MGA: variants seen among roughly 807,000 people sequenced by gnomAD.
MGA encodes the protein MAX dimerization protein MGA, also known as MAX gene-associated protein.
A neutral mutation model predicts 261.1 loss-of-function variants in MGA; 40 were observed. The ratio of observed to expected loss-of-function variants is 0.15; its 90% CI spans 0.12 to 0.20. The LOEUF (loss-of-function observed/expected upper bound fraction) is 0.20. MGA is among the 10% of genes least tolerant of loss of function. The pLI is 1.00. For missense variants in MGA, 3,397 were observed against 3,630.5 expected, an observed-to-expected ratio of 0.94 and a Z score of 1.65; for synonymous variants, 1,302 against 1,290.6, an observed-to-expected ratio of 1.01 and a Z score of -0.19.
intron 2 of MGA, among the ~76,000 whole-genome samples, chr15:41,686,022 ATAAT>A (rs2058943692): frequency 6.8e-6 from 1 of 146,310 alleles, no homozygotes; most frequent in Non-Finnish European, 1.5e-5. Flanking sequence ...AAAAAAAATA[ATAAT>A]AATAATTTCC....
At chr15:41,755,881 T>C (rs552091745) in intron 18 of MGA, among the ~76,000 whole-genome samples, 2 of 152,234 alleles carry the variant, frequency 1.3e-5, no homozygotes, top group Non-Finnish European at 2.9e-5. Context: ...TAGCCGGGCT[T>C]GTTGGCACAC....
intron 1 of MGA, among the ~76,000 whole-genome samples, chr15:41,625,846 A>G (rs1391609022): frequency 6.6e-6 from 1 of 152,242 alleles, no homozygotes; most frequent in Non-Finnish European, 1.5e-5. Flanking sequence ...AGCAGATTAC[A>G]AAATTATGTG....
At position 41,762,215 on chromosome 15, in the gene MGA, A is replaced by G. The variant is rs2063498245; in HGVS notation, c.7597A>G (p.Met2533Val). Residue 2533 changes from methionine (M) to valine (V), a missense_variant, in exon 22 of 24, where the codon ATG (methionine) becomes GTG (valine). Physicochemically the swap from Met to Val is conservative, Grantham distance 21. Transcript: ENST00000219905. ...AGAGGCACAAAAAAGAAAAAAGAAG[A>G]TGGGATCAGATGAGTTTGACATATC... 8.1e-6 allele frequency: 13 copies of G among 1,613,850 alleles called. No individual in the cohort carries two copies. Among genetic ancestry groups the G allele is most frequent in the African/African-American group, 1.3e-5 (1 of 74,912 alleles).
At chr15:41,741,224 G>T (rs1470861036) in intron 14 of MGA, among the ~76,000 whole-genome samples, 2 of 151,682 alleles carry the variant, frequency 1.3e-5, no homozygotes, top group African/African-American at 4.8e-5. Flanking sequence ...GCATGCGCCT[G>T]TAGTCCCAGC....
At chr15:41,701,388 G>C (rs1164880814) in intron 5 of MGA, among the ~76,000 whole-genome samples, 2 of 152,078 alleles carry the variant, frequency 1.3e-5, no homozygotes, top group Non-Finnish European at 2.9e-5. Flanking sequence ...TTTTGCTCTG[G>C]TTTATTTGCC....
At chr15:41,653,578 G>T (rs542820942) in intron 1 of MGA, among the ~76,000 whole-genome samples, 1 of 151,188 alleles carries the variant, frequency 6.6e-6, no homozygotes. Flanking sequence ...TTGTGGTGGC[G>T]TGGCCTATAA....
intron 1 of MGA, among the ~76,000 whole-genome samples, chr15:41,652,053 C>T (rs2057073728): frequency 7.5e-6 from 1 of 132,468 alleles, no homozygotes; most frequent in Admixed American, 8.1e-5. Flanking sequence ...GCAAGCTCCT[C>T]CTCTTGGGTT....
chr15:41,672,139 G>A (rs568698164), intron 2 of MGA, among the ~76,000 whole-genome samples: 1 of 152,282 alleles, frequency 6.6e-6, no homozygotes, highest in African/African-American at 2.4e-5. Context: ...AGTTTGTTAG[G>A]TGAAAGGGTC....
chr15:41,715,137 C>CTTTTTT (rs766195852), intron 9 of MGA, among the ~76,000 whole-genome samples: 6 of 124,556 alleles, frequency 4.8e-5, no homozygotes, highest in Non-Finnish European at 9.9e-5. Flanking sequence ...TGGTTTCTGT[C>CTTTTTT]TTTTTTTTTT....
chr15:41,663,827 A>G (rs2057565171), intron 1 of MGA, among the ~76,000 whole-genome samples: 1 of 152,100 alleles, frequency 6.6e-6, no homozygotes, highest in Admixed American at 6.6e-5. Context: ...AGTAGACTTT[A>G]GAGTGGTCTT....
Position 41,754,504 on chromosome 15 carries a change from C to T in MGA, c.7076C>T (p.Ser2359Leu). Residue 2359 changes from serine (S) to leucine (L), a missense_variant, in exon 18 of 24, where the codon TCA becomes TTA. Transcript: ENST00000219905. The stretch of plus-strand genomic sequence containing the variant: ...GACATTGAGACTGTAGAAGAGCTCT[C>T]AGAGGAAATTAATGTTGCTCACCTG... 1 of 1,577,908 alleles carries T rather than the reference C, an allele frequency of 6.3e-7. No homozygotes were observed. Among genetic ancestry groups the T allele is most frequent in the Non-Finnish European group, 8.6e-7 (1 of 1,159,854 alleles).
intron 9 of MGA, among the ~76,000 whole-genome samples, chr15:41,721,652 G>A (rs1469003862): frequency 6.6e-6 from 1 of 152,208 alleles, no homozygotes; most frequent in Non-Finnish European, 1.5e-5. Context: ...AATCCATGAT[G>A]AGATTCTACT....
intron 19 of MGA, among the ~76,000 whole-genome samples, chr15:41,759,018 A>G (rs1236181061): frequency 1.3e-5 from 2 of 152,218 alleles, no homozygotes; most frequent in African/African-American, 4.8e-5. Flanking sequence ...TGAGAATACA[A>G]ATGACAAATT....
At chr15:41,633,275 T>A (rs1196587876) in intron 1 of MGA, among the ~76,000 whole-genome samples, 1 of 151,778 alleles carries the variant, frequency 6.6e-6, no homozygotes, top group Non-Finnish European at 1.5e-5. Context: ...AAGGGAAGAT[T>A]ACTATATGCC....
Position 41,713,324 on chromosome 15 carries a change from A to C in MGA, c.3258A>C (p.Lys1086Asn), listed in dbSNP as rs773012453. 5.6e-6 allele frequency: 9 copies of C among 1,613,886 alleles called. No homozygotes were observed. The highest frequency in any genetic ancestry group is 7.6e-6 in the Non-Finnish European group (9 of 1,179,894). ...TTGGTTGTACTTGTTTGAAAAGAAAAGTTGTACTTGTTAAAGGAGGATCCA... is the reference window on the plus strand; with the variant it reads ...TTGGTTGTACTTGTTTGAAAAGAAACGTTGTACTTGTTAAAGGAGGATCCA... Residue 1086 changes from lysine (K) to asparagine (N), a missense_variant, in exon 9 of 24, where the codon AAA becomes AAC. Physicochemically the swap from Lys to Asn is moderately conservative, Grantham distance 94. Transcript: ENST00000219905.
At chr15:41,637,787 C>T (rs1290120442) in intron 1 of MGA, among the ~76,000 whole-genome samples, 1 of 151,706 alleles carries the variant, frequency 6.6e-6, no homozygotes, top group African/African-American at 2.4e-5. Flanking sequence ...TTCTGTTGCT[C>T]AGGCTGGAGT....
At chr15:41,702,580 A>G (rs1200469716) in intron 5 of MGA, among the ~76,000 whole-genome samples, 1 of 152,218 alleles carries the variant, frequency 6.6e-6, no homozygotes, top group Admixed American at 6.5e-5. Context: ...AAACCCTTGA[A>G]AAACTAGAAA....
intron 1 of MGA, among the ~76,000 whole-genome samples, chr15:41,623,683 C>T (rs758423592): frequency 2.0e-5 from 3 of 149,890 alleles, no homozygotes; most frequent in South Asian, 2.1e-4. Flanking sequence ...GTGGAGATCG[C>T]GCCATTGCAC....
chr15:41,729,465 C>T, intron 11 of MGA, 116 bp downstream of exon 11: 1 of 961,028 alleles, frequency 1.0e-6, no homozygotes, highest in Non-Finnish European at 1.5e-6. Flanking sequence ...TCATACATGA[C>T]ATGTATAACA....
Sources: allele counts gnomAD v4.1 joint callset (sites outside exome capture counted in the v4.1 genomes callset), GRCh38; gene constraint gnomAD v4.1.1; transcripts MANE v1.5; gene names NCBI Gene and HGNC (gene_info 2026-07-23, HGNC 2026-07-21).